Variants in SGCD observed in about 807,000 individuals in gnomAD.
SGCD encodes delta-sarcoglycan.
SGCD carries 18 observed loss-of-function variants against 36.6 expected under a neutral mutation model. That is an observed-to-expected ratio of 0.49 (90% confidence interval 0.34 to 0.73). The LOEUF is 0.73. Ranked by LOEUF, SGCD falls within the 30% of genes least tolerant of loss-of-function variation. The pLI, the probability that SGCD is intolerant of heterozygous loss-of-function variation, is 0.01. For synonymous variants in SGCD, 133 were observed against 130.6 expected (o/e 1.02, Z -0.12); for missense variants, 387 against 346.7 (o/e 1.12, Z -0.92).
At position 156,088,068 on chromosome 5, in the gene SGCD, A is replaced by G. The variant is rs185103729; in HGVS notation, c.-281-29810A>G. Among the ~76,000 whole-genome samples, 534 of 152,220 alleles carry G rather than the reference A, an allele frequency of 3.5e-3. 4 individuals carry two copies. Among genetic ancestry groups the G allele is most frequent in the Middle Eastern group, 0.014 (4 of 294 alleles). ...TGCAGCCATCCCCCTTTCCCATAGA[A>G]CTATGATATGTCAATGCTGTTCTGA... On this transcript the variant is annotated intron_variant, in intron 1 of 9. Transcript: ENST00000517913.
At chr5:155,812,063 A>C in the SGCD span, among the ~76,000 whole-genome samples, 1 of 152,236 alleles carries the variant, frequency 6.6e-6, no homozygotes, top group Non-Finnish European at 1.5e-5. Flanking sequence ...ATTGCAACAA[A>C]AGCTGGTTAC....
intron 6 of SGCD, among the ~76,000 whole-genome samples, chr5:156,629,601 A>C (rs937598025): frequency 6.6e-6 from 1 of 152,246 alleles, no homozygotes; most frequent in African/African-American, 2.4e-5. Flanking sequence ...ACAAAGATGC[A>C]ATAATCTAGG....
intron 3 of SGCD, among the ~76,000 whole-genome samples, chr5:156,221,606 C>T (rs775364804): frequency 1.3e-5 from 2 of 151,534 alleles, no homozygotes; most frequent in Non-Finnish European, 2.9e-5. Context: ...AAACATTCTA[C>T]CTGTAGGGTA....
chr5:156,375,341 G>A (rs1329586398), intron 3 of SGCD, among the ~76,000 whole-genome samples: 1 of 149,738 alleles, frequency 6.7e-6, no homozygotes, highest in Non-Finnish European at 1.5e-5. Context: ...TCTATTATCT[G>A]ATCCACAGTC....
intron 1 of SGCD, among the ~76,000 whole-genome samples, chr5:156,014,864 G>A (rs1758932982): frequency 6.6e-6 from 1 of 152,116 alleles, no homozygotes; most frequent in Admixed American, 6.5e-5. Flanking sequence ...TGCACTTTGG[G>A]TTTGAAAATG....
chr5:156,745,112 C>T (rs535091693), intron 7 of SGCD, among the ~76,000 whole-genome samples: 1 of 152,194 alleles, frequency 6.6e-6, no homozygotes, highest in Admixed American at 6.5e-5. Context: ...TTGGGGTTCA[C>T]TGAGGTGGGG....
chr5:155,975,615 T>TTTTTTTTTTTTTTTTTTTTTTTTTC (rs1758098244), intron 1 of SGCD, among the ~76,000 whole-genome samples: 1 of 51,940 alleles, frequency 1.9e-5, no homozygotes, highest in Non-Finnish European at 3.7e-5. Flanking sequence ...TTTCCTTTTT[T>TTTTTTTTTTTTTTTTTTTTTTTTTC]TTTTTTTTTT....
chr5:156,234,034 T>C (rs1467484339), intron 3 of SGCD, among the ~76,000 whole-genome samples: 1 of 152,228 alleles, frequency 6.6e-6, no homozygotes, highest in Non-Finnish European at 1.5e-5. Context: ...TTCCCATTGC[T>C]CTACATCCTT....
At chr5:155,727,979 G>A in the SGCD span, among the ~76,000 whole-genome samples, 3 of 152,152 alleles carry the variant, frequency 2.0e-5, no homozygotes, top group Non-Finnish European at 4.4e-5. Flanking sequence ...CGCCGCGGCC[G>A]ACTGATCTTG....
At chr5:155,905,875 C>T (rs963875910) in intron 1 of SGCD, among the ~76,000 whole-genome samples, 4 of 152,128 alleles carry the variant, frequency 2.6e-5, no homozygotes, top group African/African-American at 9.7e-5. Flanking sequence ...CCACGTGGAA[C>T]TGTAAATCCA....
chr5:156,433,906 T>C (rs1157087291), intron 3 of SGCD, among the ~76,000 whole-genome samples: 1 of 152,226 alleles, frequency 6.6e-6, no homozygotes, highest in Non-Finnish European at 1.5e-5. Flanking sequence ...GTTGTCTCAA[T>C]GTCCAATACC....
At position 156,554,742 on chromosome 5, in the gene SGCD, A is replaced by G. The variant is rs368946763; in HGVS notation, c.295-34489A>G. Among the ~76,000 whole-genome samples the G allele has an allele frequency of 4.6e-5, 7 of 151,712 alleles. No individual in the cohort carries two copies. The East Asian group carries it at 5.8e-4, about 13-fold the overall frequency. ...ATGTATTCCCTGAAGATAAGGGAGG[A>G]CCACTGTACCTAGGAATGCAATTGC... is the stretch of plus-strand genomic sequence containing the variant. On this transcript the variant is annotated intron_variant, in intron 4 of 8. Transcript: ENST00000337851.
At chr5:156,719,290 C>G (rs2113774854) in intron 7 of SGCD, among the ~76,000 whole-genome samples, 3 of 152,104 alleles carry the variant, frequency 2.0e-5, no homozygotes, top group Middle Eastern at 3.4e-3. Flanking sequence ...AGACTTTCAA[C>G]TGATTGGATG....
chr5:155,771,054 G>A, the SGCD span, among the ~76,000 whole-genome samples: 1 of 151,704 alleles, frequency 6.6e-6, no homozygotes, highest in Admixed American at 6.6e-5. Context: ...CCTGTCATCT[G>A]AACCAAAAGT....
intron 1 of SGCD, among the ~76,000 whole-genome samples, chr5:156,100,179 G>T (rs1002459050): frequency 1.6e-4 from 24 of 152,078 alleles, no homozygotes; most frequent in Admixed American, 4.6e-4. Flanking sequence ...TCATGTGAGT[G>T]CTGTTATGTT....
At chr5:156,134,679 C>T (rs893122229) in intron 3 of SGCD, among the ~76,000 whole-genome samples, 11 of 143,256 alleles carry the variant, frequency 7.7e-5, no homozygotes, top group African/African-American at 2.6e-4. Flanking sequence ...GGGAACATCA[C>T]ACACTGGGCC....
At chr5:156,549,861 C>G (rs1396564676) in intron 4 of SGCD, among the ~76,000 whole-genome samples, 1 of 152,200 alleles carries the variant, frequency 6.6e-6, no homozygotes, top group Non-Finnish European at 1.5e-5. Flanking sequence ...AAGAAGTAGT[C>G]ACTGCCATCA....
intron 6 of SGCD, among the ~76,000 whole-genome samples, chr5:156,640,892 G>A (rs1332349455): frequency 5.9e-5 from 9 of 152,174 alleles, no homozygotes; most frequent in South Asian, 2.1e-4. Context: ...GACACAATGG[G>A]ATTAAATCAC....
intron 3 of SGCD, among the ~76,000 whole-genome samples, chr5:156,505,392 A>G (rs1381736042): frequency 6.6e-6 from 1 of 152,252 alleles, no homozygotes; most frequent in African/African-American, 2.4e-5. Context: ...TGAAGACAGG[A>G]TGGGGAAAAG....
Sources: allele counts gnomAD v4.1 joint callset (sites outside exome capture counted in the v4.1 genomes callset), GRCh38; gene constraint gnomAD v4.1.1; transcripts MANE v1.5; gene names NCBI Gene and HGNC (gene_info 2026-07-23, HGNC 2026-07-21).